Variants in KIF7 observed in about 807,000 individuals in gnomAD.
KIF7 encodes kinesin family member 7.
A neutral mutation model predicts 135.7 loss-of-function variants in KIF7; 104 were observed. The ratio of observed to expected loss-of-function variants is 0.77; its 90% confidence interval spans 0.65 to 0.90. The LOEUF (loss-of-function observed/expected upper bound fraction) is 0.90, where lower values mean the gene tolerates loss of function less well. Ranked by LOEUF, KIF7 falls within the 40% of genes least tolerant of loss-of-function variation. The probability of loss-of-function intolerance (pLI) is 0.00; values close to 1 mark genes in which losing one functional copy is unlikely to be tolerated. For missense variants in KIF7, 2,005 were observed against 1,839.1 expected, an observed-to-expected ratio of 1.09 and a Z score of -1.65; for synonymous variants, 883 against 809.4, an observed-to-expected ratio of 1.09 and a Z score of -1.54.
At chr15:89,648,795 C>T (rs1278816630) in intron 4 of KIF7, 21 bp from the exon 5 acceptor site, 1 of 1,525,142 alleles carries the variant, frequency 6.6e-7, no homozygotes, top group Non-Finnish European at 8.8e-7. Context: ...GAGGGGGAGG[C>T]TCTCAGGGGC....
chr15:89,659,313 G>A (rs1318704415), upstream of KIF7, among the ~76,000 whole-genome samples: 3 of 151,932 alleles, frequency 2.0e-5, no homozygotes, highest in Admixed American at 6.6e-5. Context: ...CAGGAGGATC[G>A]CTTGAGCCCA....
chr15:89,636,212 C>T (rs866606016), intron 11 of KIF7, among the ~76,000 whole-genome samples: 2,524 of 151,350 alleles, frequency 0.017, 25 homozygotes, highest in Non-Finnish European at 0.025. Flanking sequence ...CGGTACCAGC[C>T]GCTGCAAAAT....
downstream of KIF7, chr15:89,625,226 G>C: frequency 6.2e-7 from 1 of 1,613,706 alleles, no homozygotes; most frequent in Non-Finnish European, 8.5e-7. Flanking sequence ...AAGAGCAGGG[G>C]GCAAACCTAC....
chr15:89,630,600 C>T (rs1365032739), intron 15 of KIF7, 107 bp from the exon 16 acceptor site: 2 of 946,364 alleles, frequency 2.1e-6, no homozygotes, highest in African/African-American at 3.2e-5. Flanking sequence ...CCTTAAGGGT[C>T]CCCTCGTCCC....
chr15:89,653,742 T>TTATTATTAG lies in KIF7; in HGVS notation c.-24-789_-24-788insCTAATAATA, dbSNP rs1555425297. Among the ~76,000 whole-genome samples the TTATTATTAG allele has an allele frequency of 1.8e-3, 265 of 149,872 alleles. 3 individuals carry two copies. The highest frequency in any genetic ancestry group is 6.3e-3 in the African/African-American group (256 of 40,346). On this transcript the variant is annotated intron_variant, in intron 1 of 18. Transcript: ENST00000394412. ...ACAGACATGTACCTGGCTAATTTTATTATTAGTATTAGTATTAGTATTAGT... is the reference window on the plus strand; with the variant it reads ...ACAGACATGTACCTGGCTAATTTTATTATTATTAGTATTAGTATTAGTATTAGTATTAGT...
intron 8 of KIF7, 90 bp downstream of exon 8, chr15:89,645,803 G>C: frequency 1.3e-6 from 2 of 1,511,710 alleles, no homozygotes; most frequent in Non-Finnish European, 1.8e-6. Context: ...CCCCACTGCT[G>C]TCAGGAGAGG....
At chr15:89,640,860 G>A (rs1288820980) in intron 11 of KIF7, among the ~76,000 whole-genome samples, 4 of 151,638 alleles carry the variant, frequency 2.6e-5, no homozygotes, top group African/African-American at 4.8e-5. Flanking sequence ...TTAGCCAGGT[G>A]TGGTGGCACC....
chr15:89,645,751 C>T, intron 8 of KIF7, 142 bp downstream of exon 8: 1 of 1,183,300 alleles, frequency 8.5e-7, no homozygotes, highest in Non-Finnish European at 1.2e-6. Context: ...CCCCCAGGGG[C>T]TGGCCAGGGC....
chr15:89,652,429 C>G (rs1228617090), intron 2 of KIF7, among the ~76,000 whole-genome samples, 174 bp downstream of exon 2: 1 of 152,220 alleles, frequency 6.6e-6, no homozygotes, highest in Non-Finnish European at 1.5e-5. Context: ...CCTGCCTAGC[C>G]CACAGACATG....
At chr15:89,653,343 C>T (rs1392419785) in intron 1 of KIF7, among the ~76,000 whole-genome samples, 1 of 152,198 alleles carries the variant, frequency 6.6e-6, no homozygotes, top group Non-Finnish European at 1.5e-5. Context: ...TGTGTCAAGT[C>T]ACTCACATCC....
intron 15 of KIF7, 43 bp downstream of exon 15, chr15:89,631,452 A>G (rs1168149344): frequency 1.3e-6 from 2 of 1,501,920 alleles, no homozygotes; most frequent in African/African-American, 2.8e-5. Context: ...ACAGACAGGC[A>G]TACAATGGCA....
chr15:89,627,969 C>T (rs1963567587), downstream of KIF7: 1 of 155,550 alleles, frequency 6.4e-6, no homozygotes, highest in Non-Finnish European at 1.4e-5. Flanking sequence ...GTGAAAACTT[C>T]CCATTTGTCC....
intron 16 of KIF7, 139 bp from the exon 17 acceptor site, chr15:89,629,712 C>T (rs780559966): frequency 7.0e-6 from 8 of 1,145,338 alleles, no homozygotes; most frequent in Non-Finnish European, 9.9e-6. Flanking sequence ...TGAGCCAAGA[C>T]TCAGCCTCAG....
rs1478669456 is a variant in KIF7, at chr15:89,649,854, C to G, written c.416G>C (p.Cys139Ser). 1.3e-6 allele frequency: 2 copies of G among 1,551,826 alleles called. No individual in the cohort carries two copies. The highest frequency in any genetic ancestry group is 1.7e-6 in the Non-Finnish European group (2 of 1,147,012). Residue 139 changes from cysteine (C) to serine (S), a missense_variant, in exon 3 of 19, where the codon TGT becomes TCT. Physicochemically the swap from Cys to Ser is moderately radical, Grantham distance 112 (BLOSUM62 -1). Transcript: ENST00000394412. ...TTCCAGGTAGGACACATGTACCAGA[C>G]AGTCAAGCAGGTCGTTCTCATCGAT... The part of the protein sequence containing the change: ...KLIDENDLLD[C>S]LVHVSYLEVY...
At chr15:89,650,966 C>T (rs909093066) in intron 2 of KIF7, among the ~76,000 whole-genome samples, 2 of 152,026 alleles carry the variant, frequency 1.3e-5, no homozygotes, top group African/African-American at 4.8e-5. Context: ...TGGCATCTCA[C>T]TGTTGCCCAG....
At chr15:89,660,689 T>C in the KIF7 span, among the ~76,000 whole-genome samples, 1 of 152,240 alleles carries the variant, frequency 6.6e-6, no homozygotes, top group Admixed American at 6.5e-5. Flanking sequence ...TGCTAGACTG[T>C]ACTATCGTTC....
At chr15:89,633,575 T>G in intron 12 of KIF7, 111 bp downstream of exon 12, 2 of 1,189,326 alleles carry the variant, frequency 1.7e-6, no homozygotes, top group Non-Finnish European at 2.4e-6. Flanking sequence ...TGACCTGCTT[T>G]CTAAGGTCAC....
chr15:89,648,678 G>GA lies in KIF7; in HGVS notation c.1019dup (p.Asn341GlnfsTer122), dbSNP rs1964065704. 14 of 1,535,852 alleles carry GA rather than the reference G, an allele frequency of 9.1e-6. No individual in the cohort carries two copies. The highest frequency in any genetic ancestry group is 1.2e-5 in the Non-Finnish European group (14 of 1,146,382). On this transcript the variant is annotated frameshift_variant, in exon 5 of 19. Coordinates refer to ENST00000394412, the MANE Select transcript of KIF7 (RefSeq NM_198525.3). LOFTEE classifies it high-confidence loss of function. ...TGTTCTGGGCGCGGCTGGCGTAGTT[G>GA]AGGGTGTTGAGGGTCTCGTCGAAGT... is the stretch of plus-strand genomic sequence containing the variant.
intron 11 of KIF7, among the ~76,000 whole-genome samples, chr15:89,637,463 T>C (rs531260352): frequency 2.6e-5 from 4 of 151,670 alleles, no homozygotes; most frequent in Non-Finnish European, 5.9e-5. Flanking sequence ...ATCAAATAGA[T>C]GCAATAAAAA....
Sources: gnomAD v4.1 joint callset for allele counts (sites outside exome capture counted in the v4.1 genomes callset) on GRCh38, gnomAD v4.1.1 for gene constraint, MANE v1.5 for transcripts, NCBI Gene and HGNC (gene_info 2026-07-23, HGNC 2026-07-21) for gene names.